RFTN1: variants seen among roughly 807,000 people sequenced by gnomAD.
The protein encoded by RFTN1 is raftlin.
A neutral mutation model predicts 46.5 loss-of-function variants in RFTN1; 26 were observed. The ratio of observed to expected loss-of-function variants is 0.56; its 90% CI spans 0.41 to 0.78. RFTN1 has a LOEUF of 0.78. Among genes scored for constraint, RFTN1 ranks in the 30% least tolerant of loss-of-function variants. The pLI, the probability that RFTN1 is intolerant of heterozygous loss-of-function variation, is 0.00. For synonymous variants in RFTN1, 261 were observed against 284.2 expected, an observed-to-expected ratio of 0.92 and a Z score of 0.82; for missense variants, 693 against 718.7, an observed-to-expected ratio of 0.96 and a Z score of 0.41.
Position 16,370,043 on chromosome 3 carries a change from G to A in RFTN1, c.1030+33C>T. 1 of 1,599,200 alleles carries A rather than the reference G, an allele frequency of 6.3e-7. No individual in the cohort carries two copies. On this transcript the variant is annotated intron_variant, in intron 6 of 9. Transcript: ENST00000334133. This position sits in a 1 kb window ranked among gnomAD's most constrained non-coding sequence, Gnocchi z 5.5. Reference sequence around the variant, plus strand: ...AAGAGTTAGAAGCAGAGTTCACAAAGGGCCACCCAAGGACTGTGAATTCCA... The same window carrying A: ...AAGAGTTAGAAGCAGAGTTCACAAAAGGCCACCCAAGGACTGTGAATTCCA...
At position 16,370,488 on chromosome 3, in the gene RFTN1, T is replaced by C. The variant is rs778987079; in HGVS notation, c.827-209A>G. On this transcript the variant is annotated intron_variant, in intron 5 of 9. Coordinates refer to ENST00000334133, the MANE Select transcript of RFTN1 (RefSeq NM_015150.2). The surrounding 1 kb of genome is among the most constrained non-coding windows in gnomAD (Gnocchi z 5.5). ...CTTAAAGTAACATGGACCTGAAGGG[T>C]TGGGCTTCTGATGGGGAACTTAGGT... is the stretch of plus-strand genomic sequence containing the variant. Among the ~76,000 whole-genome samples, 1 of 152,178 alleles carries C rather than the reference T, an allele frequency of 6.6e-6. No homozygotes were observed.
chr3:16,467,622 G>C (rs2076121400), intron 2 of RFTN1, among the ~76,000 whole-genome samples: 1 of 152,250 alleles, frequency 6.6e-6, no homozygotes, highest in Non-Finnish European at 1.5e-5. Context: ...GCAGAGAAAA[G>C]CCCTCAAAGA....
chr3:16,397,043 A>G (rs1479622460), intron 4 of RFTN1, among the ~76,000 whole-genome samples: 1 of 149,756 alleles, frequency 6.7e-6, no homozygotes, highest in Non-Finnish European at 1.5e-5. Context: ...AGCCTGGGCA[A>G]CAAGAGTGAA....
In RFTN1 at chr3:16,374,694, T is replaced by C. The variant is rs936828737; in HGVS notation, c.826+3024A>G. 2.0e-5 allele frequency among the ~76,000 whole-genome samples: 3 copies of C among 152,200 alleles called. No homozygotes were observed. The highest frequency in any genetic ancestry group is 7.2e-5 in the African/African-American group (3 of 41,444). On this transcript the variant is annotated intron_variant, in intron 5 of 9. Transcript: ENST00000334133. The surrounding 1 kb of genome is among the most constrained non-coding windows in gnomAD (Gnocchi z 5.4). ...TGATTAGAATTTTCGTGAACCTGTC[T>C]AGCCTCCTGGTTTCTCTGATGGAAG... is the stretch of plus-strand genomic sequence containing the variant.
chr3:16,326,780 T>C lies in RFTN1; in HGVS notation c.1243A>G (p.Thr415Ala), dbSNP rs747085173. The change falls in exon 8 of 10, where the codon ACT becomes GCT. Residue 415 changes from threonine to alanine, a missense_variant. Thr to Ala is a moderately conservative substitution (Grantham distance 58). Coordinates refer to ENST00000334133, the MANE Select transcript of RFTN1 (RefSeq NM_015150.2). ...TCVLPTPVVK[T>A]TSEGSVSTKQ... ...GATTACTGTTATTGTTACCTGGTAG[T>C]CTTGACGACGGGAGTTGGTAGCACA... 6.2e-7 allele frequency: 1 copy of C among 1,613,610 alleles called. No individual in the cohort carries two copies. The highest frequency in any genetic ancestry group is 1.7e-5 in the Admixed American group (1 of 60,030).
rs925993554 is a variant in RFTN1 at position 16,425,910 on chromosome 3, G to T, written c.332+7941C>A. On this transcript the variant is annotated intron_variant, in intron 3 of 9. Transcript: ENST00000334133. The surrounding 1 kb of genome is among the most constrained non-coding windows in gnomAD (Gnocchi z 4.3). ...ATCCTCCACACCCCTCAGGAAGCTA[G>T]AGAAAACTGATGAGGAAAGATACCA... 6.6e-6 allele frequency among the ~76,000 whole-genome samples: 1 copy of T among 152,124 alleles called. No individual in the cohort carries two copies. The highest frequency in any genetic ancestry group is 1.5e-5 in the Non-Finnish European group (1 of 68,020).
In RFTN1 at chr3:16,335,291, T is replaced by A. The variant is rs2070736480; in HGVS notation, c.1147-8415A>T. On this transcript the variant is annotated intron_variant, in intron 7 of 9. Transcript: ENST00000334133. The surrounding 1 kb of genome is among the most constrained non-coding windows in gnomAD (Gnocchi z 4.7). ...GAGGCTGGCTGAGGGCTGGATTTCC[T>A]TGTGAGGGGGTGAGCAGAAGATGAA... 6.6e-6 allele frequency among the ~76,000 whole-genome samples: 1 copy of A among 152,092 alleles called. No homozygotes were observed. The highest frequency in any genetic ancestry group is 6.5e-5 in the Admixed American group (1 of 15,272).
At chr3:16,371,251 C>G (rs1364628535) in intron 5 of RFTN1, among the ~76,000 whole-genome samples, 1 of 152,190 alleles carries the variant, frequency 6.6e-6, no homozygotes, top group East Asian at 1.9e-4. Context: ...TTGACATTAG[C>G]AAGAAGGACA....
At chr3:16,339,289 C>G (rs1254901663) in intron 7 of RFTN1, 1 of 152,246 alleles carries the variant, frequency 6.6e-6, no homozygotes, top group Non-Finnish European at 1.5e-5. Context: ...CTCACTCAGC[C>G]CTCCCTCCTT....
rs960676135 is a variant in RFTN1, at chr3:16,316,582, T to C, written c.*246A>G. The C allele has an allele frequency of 2.3e-5, 13 of 553,824 alleles. No individual in the cohort carries two copies. Among genetic ancestry groups the C allele is most frequent in the Non-Finnish European group, 3.9e-5 (12 of 310,272 alleles). The allele number at this position is 553,824 out of a possible 1,614,324, so 34.3% of individuals were successfully genotyped here. On this transcript the variant is annotated 3_prime_UTR_variant, in exon 10 of 10. Transcript: ENST00000334133. This position sits in a 1 kb window ranked among gnomAD's most constrained non-coding sequence, Gnocchi z 4.5. The stretch of plus-strand genomic sequence containing the variant: ...GGACTGGGCCTTCAGCCATGAGGGC[T>C]AGAATAACCTGACCTCTTGCATTCT...
At chr3:16,333,917 G>A (rs1457121353) in intron 7 of RFTN1, among the ~76,000 whole-genome samples, 6 of 152,198 alleles carry the variant, frequency 3.9e-5, no homozygotes, top group Non-Finnish European at 8.8e-5. Flanking sequence ...TGTAATCCCA[G>A]CACTTTGGGA....
chr3:16,380,576 A>G lies in RFTN1; in HGVS notation c.442-2474T>C, dbSNP rs761431596. Among the ~76,000 whole-genome samples, 1 of 152,182 alleles carries G rather than the reference A, an allele frequency of 6.6e-6. No homozygotes were observed. Among genetic ancestry groups the G allele is most frequent in the Non-Finnish European group, 1.5e-5 (1 of 68,032 alleles). ...TTTATCCTCTAGGCCAGGGGTTCTC[A>G]AAGTGTGGGCCCCAGACCAGAGCAT... is the stretch of plus-strand genomic sequence containing the variant. On this transcript the variant is annotated intron_variant, in intron 4 of 9. Coordinates refer to ENST00000334133, the MANE Select transcript of RFTN1 (RefSeq NM_015150.2). The surrounding 1 kb of genome is among the most constrained non-coding windows in gnomAD (Gnocchi z 4.8).
chr3:16,366,349 C>T (rs143110327), intron 6 of RFTN1, among the ~76,000 whole-genome samples: 168 of 152,350 alleles, frequency 1.1e-3, no homozygotes, highest in African/African-American at 3.9e-3. Context: ...GGGGTCTCTC[C>T]TCCTGGTCTT....
At chr3:16,367,970 T>C (rs1308024775) in intron 6 of RFTN1, among the ~76,000 whole-genome samples, 1 of 152,090 alleles carries the variant, frequency 6.6e-6, no homozygotes, top group Non-Finnish European at 1.5e-5. Context: ...ATCCACTATC[T>C]CCAGCACCTC....
chr3:16,344,789 A>G lies in RFTN1; in HGVS notation c.1146+13143T>C, dbSNP rs915891394. On this transcript the variant is annotated intron_variant, in intron 7 of 9. Coordinates refer to ENST00000334133, the MANE Select transcript of RFTN1 (RefSeq NM_015150.2). The surrounding 1 kb of genome is among the most constrained non-coding windows in gnomAD (Gnocchi z 4.4). ...ACCCATAGGCCCTTCCTTTTTATTT[A>G]GTTGTATTAAAAGCCTTGGCCAGGT... Among the ~76,000 whole-genome samples the G allele has an allele frequency of 6.6e-6, 1 of 152,170 alleles. No individual in the cohort carries two copies. Among genetic ancestry groups the G allele is most frequent in the African/African-American group, 2.4e-5 (1 of 41,418 alleles).
At position 16,381,420 on chromosome 3, in the gene RFTN1, G is replaced by A. The variant is rs1402385441; in HGVS notation, c.442-3318C>T. Among the ~76,000 whole-genome samples the A allele has an allele frequency of 6.6e-6, 1 of 152,236 alleles. No homozygotes were observed. The highest frequency in any genetic ancestry group is 2.1e-4 in the South Asian group (1 of 4,828). ...GTGACAATGGTGATTATTTCTGCCT[G>A]AAGGGGAGGTTGAGAAAAGTTTCTC... On this transcript the variant is annotated intron_variant, in intron 4 of 9. Transcript: ENST00000334133. This position sits in a 1 kb window ranked among gnomAD's most constrained non-coding sequence, Gnocchi z 4.2.
In RFTN1 at chr3:16,418,520, C is replaced by T. The variant is rs1337946052; in HGVS notation, c.333-9037G>A. Among the ~76,000 whole-genome samples the T allele has an allele frequency of 6.6e-6, 1 of 151,926 alleles. No homozygotes were observed. ...ATAATCAAAAAAAAATGGTGACAAA[C>T]ACAAACAGATTACTAGGCACTTCTC... is the stretch of plus-strand genomic sequence containing the variant. On this transcript the variant is annotated intron_variant, in intron 3 of 9. Coordinates refer to ENST00000334133, the MANE Select transcript of RFTN1 (RefSeq NM_015150.2). The surrounding 1 kb of genome is among the most constrained non-coding windows in gnomAD (Gnocchi z 5.0).
chr3:16,482,727 A>G, intron 2 of RFTN1: 3 of 1,502,250 alleles, frequency 2.0e-6, no homozygotes, highest in Non-Finnish European at 2.7e-6. Flanking sequence ...GCTACTGTTA[A>G]CAATGATTAT....
At position 16,408,227 on chromosome 3, in the gene RFTN1, C is replaced by A. The variant is rs554366721; in HGVS notation, c.441+1148G>T. Among the ~76,000 whole-genome samples, 159 of 152,164 alleles carry A rather than the reference C, an allele frequency of 1.0e-3. 1 individual carries two copies. Among genetic ancestry groups the A allele is most frequent in the African/African-American group, 3.7e-3 (155 of 41,510 alleles). ...CCGACCTGTCCGAGCACAGCCGCAT[C>A]CCCAAAGACACCCCGTCATCCTTCC... On this transcript the variant is annotated intron_variant, in intron 4 of 9. Transcript: ENST00000334133.
Sources: allele counts gnomAD v4.1 joint callset (sites outside exome capture counted in the v4.1 genomes callset), GRCh38; gene constraint gnomAD v4.1.1; non-coding constraint Gnocchi (gnomAD v3.1); transcripts MANE v1.5; gene names NCBI Gene and HGNC (gene_info 2026-07-23, HGNC 2026-07-21).